The following KCNC2 variants were observed in gnomAD, a reference collection of about 807,000 sequenced individuals.
KCNC2 encodes the protein potassium voltage-gated channel subfamily C member 2.
KCNC2 carries 21 observed loss-of-function variants against 44.5 expected under a neutral mutation model. That is an observed-to-expected ratio of 0.47 (90% CI 0.33 to 0.68). The LOEUF is 0.68. KCNC2 is among the 30% of genes least tolerant of loss of function. The pLI, the probability that KCNC2 is intolerant of heterozygous loss-of-function variation, is 0.01. For synonymous variants in KCNC2, 391 were observed against 339.1 expected, an observed-to-expected ratio of 1.15 and a Z score of -1.68; for missense variants, 589 against 826.2, an observed-to-expected ratio of 0.71 and a Z score of 3.52.
chr12:75,132,983 G>C (rs547710962), intron 2 of KCNC2, among the ~76,000 whole-genome samples: 2 of 151,886 alleles, frequency 1.3e-5, no homozygotes, highest in Non-Finnish European at 2.9e-5. Context: ...ATGAATTAGC[G>C]TGCAAGGTTG....
At chr12:75,054,285 C>T (rs370461779) in intron 2 of KCNC2, among the ~76,000 whole-genome samples, 7 of 149,568 alleles carry the variant, frequency 4.7e-5, no homozygotes, top group Non-Finnish European at 8.9e-5. Context: ...AAGCTAAAAA[C>T]GCTTGTCATA....
intron 2 of KCNC2, among the ~76,000 whole-genome samples, chr12:75,147,087 T>C (rs2137439577): frequency 6.6e-6 from 1 of 152,290 alleles, no homozygotes; most frequent in African/African-American, 2.4e-5. Flanking sequence ...AGCTATGTGA[T>C]CAATACTCAA....
At chr12:75,099,734 G>C (rs1886225454) in intron 2 of KCNC2, among the ~76,000 whole-genome samples, 1 of 152,016 alleles carries the variant, frequency 6.6e-6, no homozygotes, top group Non-Finnish European at 1.5e-5. Flanking sequence ...TTGAATAACT[G>C]CACATTAATA....
intron 2 of KCNC2, among the ~76,000 whole-genome samples, chr12:75,131,775 C>T (rs1888861415): frequency 6.6e-6 from 1 of 152,142 alleles, no homozygotes; most frequent in Non-Finnish European, 1.5e-5. Flanking sequence ...GCACAAAGAA[C>T]TGAATTCATC....
At chr12:75,122,143 T>C (rs952984917) in intron 2 of KCNC2, among the ~76,000 whole-genome samples, 3 of 152,086 alleles carry the variant, frequency 2.0e-5, no homozygotes, top group Admixed American at 1.3e-4. Flanking sequence ...TCAGTCCTCT[T>C]ACAAGAACAG....
intron 2 of KCNC2, among the ~76,000 whole-genome samples, chr12:75,064,375 TCCATGTTATCAATGTGATTGTTTTAATAC>T (rs1376119545): frequency 6.6e-6 from 1 of 152,046 alleles, no homozygotes; most frequent in Non-Finnish European, 1.5e-5. Context: ...ATGATGTAAG[TCCATGTTATCAATGTGATTGTTTTAATAC>T]AGTGTTCTAA....
At chr12:75,087,681 A>G (rs1290031174) in intron 2 of KCNC2, among the ~76,000 whole-genome samples, 1 of 152,058 alleles carries the variant, frequency 6.6e-6, no homozygotes, top group Non-Finnish European at 1.5e-5. Flanking sequence ...GTTAATTTAC[A>G]GATTCCTATC....
intron 2 of KCNC2, among the ~76,000 whole-genome samples, chr12:75,111,537 CT>C (rs1006125912): frequency 1.3e-5 from 2 of 151,798 alleles, no homozygotes; most frequent in African/African-American, 2.4e-5. Flanking sequence ...AATAAGTATC[CT>C]TTTTACAAGG....
intron 2 of KCNC2, among the ~76,000 whole-genome samples, chr12:75,127,234 A>G (rs1342599804): frequency 6.6e-6 from 1 of 152,170 alleles, no homozygotes; most frequent in Non-Finnish European, 1.5e-5. Context: ...TTGAAAATGT[A>G]GCTCAAATTA....
At chr12:75,126,447 T>A (rs1888430995) in intron 2 of KCNC2, among the ~76,000 whole-genome samples, 1 of 152,182 alleles carries the variant, frequency 6.6e-6, no homozygotes, top group South Asian at 2.1e-4. Flanking sequence ...AGCATTTTTA[T>A]ATCCCTAAGG....
intron 1 of KCNC2, among the ~76,000 whole-genome samples, chr12:75,208,822 T>A (rs977832910): frequency 2.6e-5 from 4 of 152,150 alleles, no homozygotes; most frequent in African/African-American, 9.7e-5. Context: ...ACGTTATTAT[T>A]ATTATTGTTG....
At chr12:75,051,391 A>T (rs1201905720) in intron 2 of KCNC2, 74 bp from the exon 3 acceptor site, 13 of 833,380 alleles carry the variant, frequency 1.6e-5, no homozygotes, top group Non-Finnish European at 2.2e-5. Context: ...ATCTAAAAGC[A>T]ACAATCCCTG....
At chr12:75,127,491 G>T (rs1425419333) in intron 2 of KCNC2, among the ~76,000 whole-genome samples, 1 of 152,132 alleles carries the variant, frequency 6.6e-6, no homozygotes, top group African/African-American at 2.4e-5. Context: ...AAGGGAACTA[G>T]TTTGATCAGG....
chr12:75,095,651 T>C (rs1885859895), intron 2 of KCNC2, among the ~76,000 whole-genome samples: 2 of 151,916 alleles, frequency 1.3e-5, no homozygotes. Context: ...TATTTACACC[T>C]ATACCCACAT....
At chr12:75,096,510 T>C (rs1194210668) in intron 2 of KCNC2, among the ~76,000 whole-genome samples, 2 of 152,032 alleles carry the variant, frequency 1.3e-5, no homozygotes, top group African/African-American at 2.4e-5. Flanking sequence ...ATAATTTTCA[T>C]TGAGTATAGG....
At chr12:75,075,217 T>C (rs1883812503) in intron 2 of KCNC2, among the ~76,000 whole-genome samples, 1 of 152,080 alleles carries the variant, frequency 6.6e-6, no homozygotes. Context: ...GAAATAGCTA[T>C]ACATCATCAT....
chr12:75,062,454 T>A (rs1882442133), intron 2 of KCNC2, among the ~76,000 whole-genome samples: 1 of 152,102 alleles, frequency 6.6e-6, no homozygotes, highest in Non-Finnish European at 1.5e-5. Flanking sequence ...TTCAGGATCC[T>A]TATAAAATAA....
At chr12:75,157,407 A>G (rs990210335) in intron 2 of KCNC2, among the ~76,000 whole-genome samples, 4 of 151,890 alleles carry the variant, frequency 2.6e-5, no homozygotes, top group Non-Finnish European at 4.4e-5. Flanking sequence ...AACAGCAATT[A>G]TCTACCTCAG....
intron 2 of KCNC2, among the ~76,000 whole-genome samples, chr12:75,089,406 T>C (rs2137121629): frequency 6.6e-6 from 1 of 151,966 alleles, no homozygotes; most frequent in East Asian, 1.9e-4. Context: ...AACTATAAAA[T>C]AGATTCTTGT....
Sources: gnomAD v4.1 joint callset for allele counts (sites outside exome capture counted in the v4.1 genomes callset) on GRCh38, gnomAD v4.1.1 for gene constraint, MANE v1.5 for transcripts, NCBI Gene and HGNC (gene_info 2026-07-23, HGNC 2026-07-21) for gene names.